The following ERBB4 variants were observed in gnomAD, a reference collection of about 807,000 sequenced individuals.
ERBB4 encodes the protein receptor tyrosine-protein kinase erbB-4.
ERBB4 carries 42 observed loss-of-function variants against 158.0 expected under a neutral mutation model. The observed-to-expected ratio is 0.27, with a 90% CI of 0.21 to 0.34. The LOEUF is 0.34. Among genes scored for constraint, ERBB4 ranks in the 10% least tolerant of loss-of-function variants. The probability of loss-of-function intolerance (pLI) is 1.00; values close to 1 mark genes in which losing one functional copy is unlikely to be tolerated. For synonymous variants in ERBB4, 583 were observed against 558.7 expected, an observed-to-expected ratio of 1.04 and a Z score of -0.61; for missense variants, 1,333 against 1,624.1, an observed-to-expected ratio of 0.82 and a Z score of 3.08.
At chr2:212,252,435 G>C (rs2084573257) in intron 1 of ERBB4, among the ~76,000 whole-genome samples, 1 of 151,854 alleles carries the variant, frequency 6.6e-6, no homozygotes, top group Admixed American at 6.6e-5. Flanking sequence ...GATCAACGAA[G>C]ACTAAAACTA....
At chr2:211,777,582 AC>A (rs1022854866) in intron 4 of ERBB4, 8 of 152,084 alleles carry the variant, frequency 5.3e-5, no homozygotes, top group African/African-American at 1.7e-4. Flanking sequence ...TACGAGGTTT[AC>A]CCCCATTACA....
chr2:211,673,057 G>A, intron 14 of ERBB4, 107 bp downstream of exon 14: 1 of 882,308 alleles, frequency 1.1e-6, no homozygotes, highest in Non-Finnish European at 1.9e-6. Context: ...TTTCCCCATG[G>A]CATCCTGTAA....
intron 1 of ERBB4, among the ~76,000 whole-genome samples, chr2:212,140,401 C>T (rs1012354778): frequency 9.0e-5 from 12 of 133,976 alleles, no homozygotes; most frequent in African/African-American, 3.2e-4. Context: ...ATAGTAATAT[C>T]TATATATATT....
chr2:211,582,119 T>G (rs551665317), intron 19 of ERBB4, among the ~76,000 whole-genome samples: 1 of 152,328 alleles, frequency 6.6e-6, no homozygotes. Context: ...ACCATTCTGC[T>G]AAACAATTCT....
chr2:211,827,528 T>A (rs2077128719), intron 3 of ERBB4, among the ~76,000 whole-genome samples: 1 of 152,030 alleles, frequency 6.6e-6, no homozygotes, highest in Non-Finnish European at 1.5e-5. Context: ...ATGTTGGGAT[T>A]TTATTTTTAA....
chr2:211,503,318 C>G (rs1056670509), intron 20 of ERBB4, among the ~76,000 whole-genome samples: 3 of 152,124 alleles, frequency 2.0e-5, no homozygotes, highest in African/African-American at 7.2e-5. Context: ...TCTGCCGAGC[C>G]AGGATAGAAC....
At chr2:211,523,872 G>A (rs901367641) in intron 20 of ERBB4, among the ~76,000 whole-genome samples, 4 of 152,100 alleles carry the variant, frequency 2.6e-5, no homozygotes, top group African/African-American at 4.8e-5. Context: ...CCTGCTGATT[G>A]GTAGAGCCGA....
chr2:211,897,793 G>T (rs953880373), intron 3 of ERBB4, among the ~76,000 whole-genome samples: 20 of 152,100 alleles, frequency 1.3e-4, no homozygotes, highest in Non-Finnish European at 1.5e-4. Context: ...ACCTAGGCTG[G>T]AGTGCAGTGG....
chr2:212,117,341 C>T (rs1446889514), intron 2 of ERBB4, among the ~76,000 whole-genome samples: 1 of 152,102 alleles, frequency 6.6e-6, no homozygotes, highest in African/African-American at 2.4e-5. Context: ...TGCTTGTTTA[C>T]CCAACCAATA....
At chr2:211,427,797 T>C (rs927891733) in intron 22 of ERBB4, among the ~76,000 whole-genome samples, 2 of 151,468 alleles carry the variant, frequency 1.3e-5, no homozygotes, top group Non-Finnish European at 2.9e-5. Context: ...ATTAACACCA[T>C]GAAATTCTAT....
At chr2:212,487,118 A>C (rs1690018481) in intron 1 of ERBB4, among the ~76,000 whole-genome samples, 1 of 152,090 alleles carries the variant, frequency 6.6e-6, no homozygotes, top group African/African-American at 2.4e-5. Context: ...TAATCCCTTG[A>C]TATTTCTTTT....
At chr2:212,131,405 T>C (rs1484708262) in intron 1 of ERBB4, among the ~76,000 whole-genome samples, 2 of 152,206 alleles carry the variant, frequency 1.3e-5, no homozygotes, top group African/African-American at 2.4e-5. Context: ...TAAGAATCTG[T>C]AGTCATCTTT....
chr2:211,716,183 A>G (rs1013781447), intron 7 of ERBB4, among the ~76,000 whole-genome samples: 2 of 151,100 alleles, frequency 1.3e-5, no homozygotes, highest in African/African-American at 4.9e-5. Context: ...ACCAACATGG[A>G]GAAACCCTGT....
intron 3 of ERBB4, among the ~76,000 whole-genome samples, chr2:211,869,484 C>G (rs1332956365): frequency 6.6e-6 from 1 of 152,112 alleles, no homozygotes; most frequent in African/African-American, 2.4e-5. Flanking sequence ...ATTTTATCAC[C>G]TAGCAGAATT....
chr2:211,379,874 T>G lies in ERBB4; in HGVS notation c.*3741A>C, dbSNP rs2062545693. On this transcript the variant is annotated 3_prime_UTR_variant, in exon 28 of 28. Transcript: ENST00000342788. ...TTAAACAATTTTAATTTTCTTTTCA[T>G]TTTTGATACTTCAAGAAGCACATTA... 4.3e-6 allele frequency: 1 copy of G among 232,118 alleles called. No homozygotes were observed. 14.4% of individuals were successfully genotyped at this position (232,118 alleles called of 1,614,324 possible). A position where few individuals can be genotyped will look rare whatever the true frequency, so the allele number is the denominator to read the frequency against.
intron 3 of ERBB4, among the ~76,000 whole-genome samples, chr2:211,844,305 C>A (rs565408464): frequency 2.1e-4 from 32 of 152,110 alleles, no homozygotes; most frequent in Non-Finnish European, 3.8e-4. Context: ...CTTATTAACA[C>A]CTTCACATTT....
At chr2:212,046,083 A>G (rs566318400) in intron 2 of ERBB4, among the ~76,000 whole-genome samples, 7 of 152,340 alleles carry the variant, frequency 4.6e-5, no homozygotes, top group African/African-American at 1.7e-4. Context: ...ATGAGTAAAG[A>G]TGGGAAACCC....
intron 1 of ERBB4, among the ~76,000 whole-genome samples, chr2:212,199,209 T>C (rs1169261108): frequency 6.6e-6 from 1 of 152,188 alleles, no homozygotes; most frequent in Non-Finnish European, 1.5e-5. Context: ...CCCCAAACTA[T>C]TTACAACCAT....
At chr2:211,451,268 G>A (rs2064239940) in intron 20 of ERBB4, among the ~76,000 whole-genome samples, 1 of 152,178 alleles carries the variant, frequency 6.6e-6, no homozygotes, top group Admixed American at 6.5e-5. Flanking sequence ...ATGCCATTAG[G>A]ATTGGCATTT....
Sources: gnomAD v4.1 joint callset for allele counts (sites outside exome capture counted in the v4.1 genomes callset) on GRCh38, gnomAD v4.1.1 for gene constraint, MANE v1.5 for transcripts, NCBI Gene and HGNC (gene_info 2026-07-23, HGNC 2026-07-21) for gene names.